FGL1: variants seen among roughly 807,000 people sequenced by gnomAD.
The protein encoded by FGL1 is fibrinogen like 1.
In FGL1, 59 loss-of-function variants were observed where a neutral mutation model predicts 43.7. That is an observed-to-expected ratio of 1.35 (90% confidence interval 1.10 to 1.68). The LOEUF is 1.68. FGL1 is among the 40% of genes most tolerant of loss of function. The pLI is 0.00. For missense variants in FGL1, 596 were observed against 373.0 expected (o/e 1.60, Z -4.92); for synonymous variants, 192 against 126.5 (o/e 1.52, Z -3.48).
chr8:17,879,987 C>T (rs1389987875), intron 3 of FGL1, among the ~76,000 whole-genome samples: 1 of 152,172 alleles, frequency 6.6e-6, no homozygotes, highest in Admixed American at 6.5e-5. Flanking sequence ...TCTACGAGTT[C>T]CTCGCCCTTG....
intron 3 of FGL1, among the ~76,000 whole-genome samples, chr8:17,876,935 A>G (rs1054471131): frequency 6.6e-6 from 1 of 152,200 alleles, no homozygotes; most frequent in African/African-American, 2.4e-5. Flanking sequence ...AACACAACTT[A>G]AGAAAAGCTT....
intron 1 of FGL1, 63 bp from the exon 2 acceptor site, chr8:17,885,634 C>G: frequency 7.2e-7 from 1 of 1,393,810 alleles, no homozygotes; most frequent in Non-Finnish European, 1.0e-6. Flanking sequence ...GACCAGAGTT[C>G]AGACTTCAGT....
Position 17,879,495 on chromosome 8 carries a change from G to A in FGL1, c.244+2504C>T, listed in dbSNP as rs144624342. On this transcript the variant is annotated intron_variant, in intron 3 of 7. Coordinates refer to ENST00000427924, the MANE Select transcript of FGL1 (RefSeq NM_004467.4). Reference sequence around the variant, plus strand: ...TGGCTCATGGGGGTGGAGTTGTCATGAATGTTTTAGCACCATCTCTCTTGG... The same window carrying A: ...TGGCTCATGGGGGTGGAGTTGTCATAAATGTTTTAGCACCATCTCTCTTGG... Among the ~76,000 whole-genome samples, 70 of 152,226 alleles carry A rather than the reference G, an allele frequency of 4.6e-4. No homozygotes were observed. The Middle Eastern group carries it at 0.014, about 30-fold the overall frequency.
Position 17,895,422 on chromosome 8 carries a change from A to T in FGL1, c.-18+25T>A, listed in dbSNP as rs763118564. On this transcript the variant is annotated intron_variant, in intron 1 of 7. Transcript: ENST00000427924. ...TTAGCATTATTACAAGCATGTCAAA[A>T]ATGCAGAGACATTAAATAACTTGCC... 7 of 1,279,596 alleles carry T rather than the reference A, an allele frequency of 5.5e-6. No individual in the cohort carries two copies. In the South Asian group the frequency reaches 8.8e-5, roughly 16 times the overall value. The allele number at this position is 1,279,596 out of a possible 1,614,324, so 79.3% of individuals were successfully genotyped here.
At chr8:17,895,229 T>C in intron 1 of FGL1, 1 of 869,330 alleles carries the variant, frequency 1.2e-6, no homozygotes, top group Non-Finnish European at 1.4e-6. Context: ...ACATACCTTA[T>C]TTGTATATCT....
chr8:17,872,736 C>A (rs920209932), intron 5 of FGL1, among the ~76,000 whole-genome samples: 2 of 152,046 alleles, frequency 1.3e-5, no homozygotes, highest in Non-Finnish European at 2.9e-5. Flanking sequence ...GTAGGGAAGA[C>A]AATGGATTGG....
At chr8:17,878,686 T>C (rs2053492295) in intron 3 of FGL1, among the ~76,000 whole-genome samples, 1 of 152,198 alleles carries the variant, frequency 6.6e-6, no homozygotes, top group Non-Finnish European at 1.5e-5. Flanking sequence ...TTTGCACAAA[T>C]TGCTAGGTTG....
intron 1 of FGL1, among the ~76,000 whole-genome samples, chr8:17,889,090 G>A (rs2131744523): frequency 6.6e-6 from 1 of 152,250 alleles, no homozygotes; most frequent in African/African-American, 2.4e-5. Context: ...AAATGAGCTA[G>A]CCATTCAAGT....
intron 1 of FGL1, among the ~76,000 whole-genome samples, chr8:17,888,182 T>C (rs2053656183): frequency 6.6e-6 from 1 of 152,072 alleles, no homozygotes; most frequent in African/African-American, 2.4e-5. Context: ...TTTAAAACAT[T>C]TACCAATGTG....
chr8:17,870,953 A>ACAC, intron 5 of FGL1, among the ~76,000 whole-genome samples: 1 of 54,966 alleles, frequency 1.8e-5, no homozygotes, highest in Non-Finnish European at 4.5e-5. Flanking sequence ...AAGGGTGCAC[A>ACAC]CACCAGGACG....
rs2517331 is a variant in FGL1 at position 17,864,878 on chromosome 8, T to A, written c.780-127A>T. ...TGAATTCTGCCATTTTTCAGACAAG[T>A]AAATATTTACTAGTTTCCAAAAGCT... is the stretch of plus-strand genomic sequence containing the variant. On this transcript the variant is annotated intron_variant, in intron 7 of 7. Transcript: ENST00000427924. The A allele has an allele frequency of 3.3e-3, 2,455 of 747,958 alleles. 8 individuals are homozygous for A. Among genetic ancestry groups the A allele is most frequent in the Non-Finnish European group, 4.0e-3 (2,134 of 533,884 alleles). 46.3% of individuals were successfully genotyped at this position (747,958 alleles called of 1,614,324 possible).
chr8:17,866,687 A>G (rs958084194), intron 7 of FGL1, among the ~76,000 whole-genome samples: 5 of 152,230 alleles, frequency 3.3e-5, no homozygotes, highest in South Asian at 2.1e-4. Context: ...CTTTGCCCAC[A>G]TTAATATACA....
intron 1 of FGL1, among the ~76,000 whole-genome samples, chr8:17,893,240 A>G (rs1563464834): frequency 1.3e-5 from 2 of 152,102 alleles, no homozygotes; most frequent in African/African-American, 2.4e-5. Flanking sequence ...AAAAACACCT[A>G]GAGCTTAAAA....
intron 6 of FGL1, 32 bp from the exon 7 acceptor site, chr8:17,868,767 G>C (rs1428651674): frequency 6.3e-7 from 1 of 1,582,984 alleles, no homozygotes; most frequent in East Asian, 2.2e-5. Context: ...GCTGTCAGTG[G>C]AGTTCCTCTA....
At position 17,868,976 on chromosome 8, in the gene FGL1, T is replaced by C; in HGVS notation, c.531A>G (p.Ala177=). 6.2e-7 allele frequency: 1 copy of C among 1,604,780 alleles called. No individual in the cohort carries two copies. The highest frequency in any genetic ancestry group is 8.5e-7 in the Non-Finnish European group (1 of 1,176,908). Residue 177 remains alanine, a synonymous_variant, in exon 6 of 8, where the codon GCA becomes GCG. Coordinates refer to ENST00000427924, the MANE Select transcript of FGL1 (RefSeq NM_004467.4). Reference sequence around the variant, plus strand: ...CATAACGGCTATTTTTTTCAAAATCTGCAAGGTCGATTTTTAAAGTGTAGT... The same window carrying C: ...CATAACGGCTATTTTTTTCAAAATCCGCAAGGTCGATTTTTAAAGTGTAGT... ...QEDYTLKIDL[A]DFEKNSRYAQ...
intron 7 of FGL1, among the ~76,000 whole-genome samples, chr8:17,866,312 G>A (rs948277926): frequency 6.6e-6 from 1 of 151,538 alleles, no homozygotes; most frequent in Non-Finnish European, 1.5e-5. Flanking sequence ...CACTAACAAA[G>A]AAAAGACATC....
At chr8:17,880,767 T>C (rs1309999675) in intron 3 of FGL1, among the ~76,000 whole-genome samples, 1 of 152,170 alleles carries the variant, frequency 6.6e-6, no homozygotes, top group Non-Finnish European at 1.5e-5. Context: ...ACAATCGTCG[T>C]TTACTCTAAA....
In FGL1 at chr8:17,868,595, A is replaced by G. The variant is rs2053306582; in HGVS notation, c.732T>C (p.Tyr244=). 1 of 1,613,992 alleles carries G rather than the reference A, an allele frequency of 6.2e-7. No individual in the cohort carries two copies. Among genetic ancestry groups the G allele is most frequent in the Non-Finnish European group, 8.5e-7 (1 of 1,179,986 alleles). The change falls in exon 7 of 8, where the codon TAT becomes TAC. Residue 244 remains tyrosine (Y), a synonymous_variant. Transcript: ENST00000427924. ...FSTWDRDHDN[Y]EGNCAEEDQS... ...GATCTTCTTCTGCGCAGTTCCCTTCATAGTTGTCATGATCTCTGTCCCACG... is the reference window on the plus strand; with the variant it reads ...GATCTTCTTCTGCGCAGTTCCCTTCGTAGTTGTCATGATCTCTGTCCCACG...
chr8:17,881,571 C>T (rs1006861426), intron 3 of FGL1, among the ~76,000 whole-genome samples: 11 of 150,632 alleles, frequency 7.3e-5, no homozygotes, highest in African/African-American at 2.7e-4. Context: ...CGGTGGCTCA[C>T]GCCTGTAATC....
Sources: allele counts gnomAD v4.1 joint callset (sites outside exome capture counted in the v4.1 genomes callset), GRCh38; gene constraint gnomAD v4.1.1; transcripts MANE v1.5; gene names NCBI Gene and HGNC (gene_info 2026-07-23, HGNC 2026-07-21).